The following STK40 variants were observed in gnomAD, a reference collection of about 807,000 sequenced individuals.
STK40 encodes the protein serine/threonine-protein kinase 40.
STK40 carries 13 observed loss-of-function variants against 47.9 expected under a neutral mutation model. The ratio of observed to expected loss-of-function variants is 0.27; its 90% CI spans 0.18 to 0.43. The LOEUF (loss-of-function observed/expected upper bound fraction) is 0.43, where lower values mean the gene tolerates loss of function less well. STK40 is among the 20% of genes least tolerant of loss of function. The probability of loss-of-function intolerance (pLI) is 1.00; values close to 1 mark genes in which losing one functional copy is unlikely to be tolerated. For synonymous variants in STK40, 225 were observed against 243.2 expected (o/e 0.93, Z 0.69); for missense variants, 460 against 595.1 (o/e 0.77, Z 2.36).
At chr1:36,381,452 C>T (rs1441229217) in intron 1 of STK40, among the ~76,000 whole-genome samples, 1 of 152,052 alleles carries the variant, frequency 6.6e-6, no homozygotes, top group Non-Finnish European at 1.5e-5. Flanking sequence ...CATAGACCCC[C>T]AGAAAACTCT....
At chr1:36,376,622 ATTAT>A (rs958054485) in intron 1 of STK40, among the ~76,000 whole-genome samples, 2 of 152,170 alleles carry the variant, frequency 1.3e-5, no homozygotes, top group Non-Finnish European at 2.9e-5. Flanking sequence ...TGGTTAACTA[ATTAT>A]GTTCAGCTAG....
chr1:36,354,449 CAATGTG>C, intron 5 of STK40, 33 bp from the exon 6 acceptor site: 1 of 1,613,326 alleles, frequency 6.2e-7, no homozygotes, highest in Non-Finnish European at 8.5e-7. Context: ...TTTACATTGT[CAATGTG>C]AGAGGTGGGG....
In STK40 at chr1:36,340,428, G is replaced by A. The variant is rs1646634809; in HGVS notation, c.*1327C>T. 6.5e-6 allele frequency: 1 copy of A among 152,858 alleles called. No individual in the cohort carries two copies. The highest frequency in any genetic ancestry group is 6.5e-5 in the Admixed American group (1 of 15,306). 9.5% of individuals were successfully genotyped at this position (152,858 alleles called of 1,614,324 possible). A position where few individuals can be genotyped will look rare whatever the true frequency, so the allele number is the denominator to read the frequency against. On this transcript the variant is annotated 3_prime_UTR_variant, in exon 11 of 11. Transcript: ENST00000373132. ...CAGTCACCTCCCCACTGGGGAGCAG[G>A]GCCAGGCAGGAGGGGCCTCAGGGCC...
Position 36,341,877 on chromosome 1 carries a change from G to A in STK40, c.1186C>T (p.Arg396Trp), listed in dbSNP as rs199625181. The change falls in exon 11 of 11, where the codon CGG (arginine) becomes TGG (tryptophan). Residue 396 changes from arginine (R) to tryptophan (W), a missense_variant. By Grantham distance (101) the Arg-to-Trp change is moderately radical (BLOSUM62 -3). This residue lies in a region of STK40 where 181 missense variants were observed against 218.9 expected (regional missense o/e 0.83). Coordinates refer to ENST00000373132, the MANE Select transcript of STK40 (RefSeq NM_001282547.2). ...AEEKSSIHDA[R>W]SWVPKRQFGS... ...AACTGCCGCTTGGGTACCCAGCTCC[G>A]GGCGTCATGGATGGAGCTCTTCTCC... 2.4e-5 allele frequency: 39 copies of A among 1,614,014 alleles called. 1 individual carries two copies. The highest frequency in any genetic ancestry group is 4.5e-5 in the East Asian group (2 of 44,880).
chr1:36,341,476 T>C lies in STK40; in HGVS notation c.*279A>G, dbSNP rs1268191703. 6.8e-6 allele frequency: 3 copies of C among 438,968 alleles called. 1 individual carries two copies. Among genetic ancestry groups the C allele is most frequent in the Admixed American group, 7.3e-5 (2 of 27,484 alleles). The allele number at this position is 438,968 out of a possible 1,614,324, so 27.2% of individuals were successfully genotyped here. A position where few individuals can be genotyped will look rare whatever the true frequency, so the allele number is the denominator to read the frequency against. On this transcript the variant is annotated 3_prime_UTR_variant, in exon 11 of 11. Coordinates refer to ENST00000373132, the MANE Select transcript of STK40 (RefSeq NM_001282547.2). ...CCTCTTGCTCAGTCCAGAGACAGCA[T>C]GGTTAAAGAGACAGAGGTAGATTAA...
chr1:36,384,346 G>A (rs1192366074), intron 1 of STK40, among the ~76,000 whole-genome samples: 2 of 152,148 alleles, frequency 1.3e-5, no homozygotes, highest in Admixed American at 6.5e-5. Context: ...AGCTTCTTTA[G>A]ACCACATTTC....
At chr1:36,385,114 T>C (rs535132175) in intron 1 of STK40, among the ~76,000 whole-genome samples, 16 of 152,266 alleles carry the variant, frequency 1.1e-4, no homozygotes, top group African/African-American at 3.6e-4. Context: ...CGGGGCCAAG[T>C]GGCGTGGGAA....
At position 36,361,369 on chromosome 1, in the gene STK40, C is replaced by A. The variant is rs1482984711; in HGVS notation, c.-8-29G>T. 6.2e-6 allele frequency: 10 copies of A among 1,613,000 alleles called. No homozygotes were observed. The African/African-American group carries it at 1.3e-4, about 22-fold the overall frequency. On this transcript the variant is annotated intron_variant, in intron 1 of 10. Transcript: ENST00000373132. ...GACAAGACAGAAAGACCCCTTCTCA[C>A]TGAGTAAGTCAGCGAGTTTCCTTAT...
chr1:36,356,402 C>T (rs1281935778), intron 4 of STK40, among the ~76,000 whole-genome samples: 3 of 151,200 alleles, frequency 2.0e-5, no homozygotes, highest in African/African-American at 7.3e-5. Context: ...ACTGAATATC[C>T]ACATTTCTTC....
chr1:36,384,443 C>T (rs969353901), intron 1 of STK40, among the ~76,000 whole-genome samples: 6 of 152,238 alleles, frequency 3.9e-5, no homozygotes, highest in African/African-American at 1.2e-4. Context: ...ATTCTTATTA[C>T]GTGGCAAACA....
At chr1:36,366,653 G>C in intron 1 of STK40, among the ~76,000 whole-genome samples, 1 of 152,044 alleles carries the variant, frequency 6.6e-6, no homozygotes, top group Non-Finnish European at 1.5e-5. Flanking sequence ...GCTTCACAGT[G>C]AGATCTGTGA....
At position 36,344,154 on chromosome 1, in the gene STK40, G is replaced by C. The variant is rs148621208; in HGVS notation, c.850C>G (p.Arg284Gly). ...GTATACTCGGCAGCCTTGATCTTGC[G>C]GAAGAGCTCCTGCGGGATGCTGTCG... ...FYDSIPQELF[R>G]KIKAAEYTIP... The change falls in exon 8 of 11, where the codon CGC becomes GGC. Residue 284 changes from arginine (R) to glycine (G), a missense_variant. By Grantham distance (125) the Arg-to-Gly change is moderately radical. Transcript: ENST00000373132. The C allele has an allele frequency of 1.2e-6, 2 of 1,612,090 alleles. No individual in the cohort carries two copies. The highest frequency in any genetic ancestry group is 1.7e-6 in the Non-Finnish European group (2 of 1,179,478).
At chr1:36,372,445 A>AAAG (rs1553138810) in intron 1 of STK40, among the ~76,000 whole-genome samples, 3 of 149,974 alleles carry the variant, frequency 2.0e-5, no homozygotes, top group African/African-American at 7.5e-5. Flanking sequence ...AAAAAAAAAA[A>AAAG]AAAGAAAGAA....
intron 7 of STK40, among the ~76,000 whole-genome samples, chr1:36,345,991 A>ATATATATATTTTTTTTTTTTTTTTT: frequency 3.8e-5 from 1 of 26,468 alleles, no homozygotes; most frequent in African/African-American, 1.4e-4. Flanking sequence ...ATATATATAT[A>ATATATATATTTTTTTTTTTTTTTTT]TTTTTTTTTT....
At chr1:36,352,344 A>G (rs962237847) in intron 6 of STK40, among the ~76,000 whole-genome samples, 1 of 152,170 alleles carries the variant, frequency 6.6e-6, no homozygotes, top group Admixed American at 6.5e-5. Flanking sequence ...ACGCAGCCTC[A>G]CACCCACTGA....
intron 1 of STK40, among the ~76,000 whole-genome samples, chr1:36,377,262 G>T (rs1646999353): frequency 6.6e-6 from 1 of 151,836 alleles, no homozygotes; most frequent in Non-Finnish European, 1.5e-5. Context: ...GGAGCCAGGC[G>T]TGGTGGCTCA....
At chr1:36,362,416 G>A (rs1008376612) in intron 1 of STK40, 1 of 152,186 alleles carries the variant, frequency 6.6e-6, no homozygotes, top group Non-Finnish European at 1.5e-5. Flanking sequence ...GGACCTTCAT[G>A]GTAGGAGGGC....
chr1:36,369,665 A>C (rs1365901769), intron 1 of STK40, among the ~76,000 whole-genome samples: 1 of 152,098 alleles, frequency 6.6e-6, no homozygotes, highest in Admixed American at 6.5e-5. Context: ...CTCCTCCTCC[A>C]ACCCCCAGAG....
intron 1 of STK40, among the ~76,000 whole-genome samples, chr1:36,370,441 C>T (rs901145367): frequency 2.0e-5 from 3 of 152,202 alleles, no homozygotes; most frequent in African/African-American, 4.8e-5. Context: ...CAACCACTTG[C>T]GCTTCTCTGA....
Sources: gnomAD v4.1 joint callset for allele counts (sites outside exome capture counted in the v4.1 genomes callset) on GRCh38, gnomAD v4.1.1 for gene constraint, gnomAD v4.1.1 regional missense constraint, MANE v1.5 for transcripts, NCBI Gene and HGNC (gene_info 2026-07-23, HGNC 2026-07-21) for gene names.